Variants in LSM2 observed in about 807,000 individuals in gnomAD.
LSM2 encodes the protein LSM2 homolog, U6 small nuclear RNA and mRNA degradation associated.
LSM2 carries 12 observed loss-of-function variants against 17.0 expected under a neutral mutation model. The observed-to-expected ratio is 0.70, with a 90% CI of 0.45 to 1.14. The LOEUF (loss-of-function observed/expected upper bound fraction) is 1.14, where lower values mean the gene tolerates loss of function less well. Ranked by LOEUF, LSM2 falls within the 50% of genes most tolerant of loss-of-function variation. LSM2 has a pLI of 0.00. For synonymous variants in LSM2, 42 were observed against 44.5 expected (o/e 0.94, Z 0.22); for missense variants, 62 against 111.8 (o/e 0.55, Z 2.01).
At chr6:31,803,776 T>C (rs1428875885) in intron 2 of LSM2, among the ~76,000 whole-genome samples, 1 of 152,034 alleles carries the variant, frequency 6.6e-6, no homozygotes, top group East Asian at 1.9e-4. Context: ...AGATGGAGTT[T>C]CACCATGTTG....
At chr6:31,804,259 G>T (rs957816470) in intron 2 of LSM2, among the ~76,000 whole-genome samples, 1 of 151,612 alleles carries the variant, frequency 6.6e-6, no homozygotes, top group African/African-American at 2.4e-5. Context: ...TACTAGGGAG[G>T]CTGAGGCAGA....
rs761737610 is a variant in LSM2, at chr6:31,797,874, C to T, written c.171G>A (p.Val57=). The change falls in exon 5 of 5, where the codon GTG becomes GTA. Residue 57 remains valine (V), a synonymous_variant. Transcript: ENST00000375661. ...DPEKYPHMLS[V]KNCFIRGSVV... is the part of the protein sequence containing the mutation. ...CTGAGCCCCGAATGAAGCAGTTCTT[C>T]ACTGATAACTAGACAAAGATGGACA... 1 of 1,613,004 alleles carries T rather than the reference C, an allele frequency of 6.2e-7. No homozygotes were observed. The highest frequency in any genetic ancestry group is 1.3e-5 in the African/African-American group (1 of 75,020).
chr6:31,806,874 A>C lies in LSM2; in HGVS notation c.-117T>G, dbSNP rs529543378. On this transcript the variant is annotated 5_prime_UTR_variant, in exon 1 of 5. Transcript: ENST00000375661. ...GGGCGAGGCGGGACCGCGCAGGCGC[A>C]GCGGGAAGCGACGCAGAAAGCTCCA... 2.2e-5 allele frequency: 29 copies of C among 1,347,176 alleles called. 2 individuals are homozygous for C. In the East Asian group the frequency reaches 4.4e-4, roughly 20 times the overall value. The allele number at this position is 1,347,176 out of a possible 1,614,324, so 83.5% of individuals were successfully genotyped here.
At chr6:31,800,734 A>G (rs920570765) in intron 2 of LSM2, among the ~76,000 whole-genome samples, 7 of 152,136 alleles carry the variant, frequency 4.6e-5, no homozygotes, top group African/African-American at 1.7e-4. Flanking sequence ...AAAAATACAA[A>G]AAATTAGCCG....
chr6:31,797,963 T>C, intron 4 of LSM2, 27 bp downstream of exon 4: 1 of 1,609,776 alleles, frequency 6.2e-7, no homozygotes, highest in South Asian at 1.1e-5. Flanking sequence ...TAGAGGTGTT[T>C]CCTCTTCTCC....
intron 2 of LSM2, among the ~76,000 whole-genome samples, chr6:31,801,666 T>C (rs1814711523): frequency 6.6e-6 from 1 of 151,724 alleles, no homozygotes; most frequent in African/African-American, 2.4e-5. Context: ...AGTGGTGGCA[T>C]GCACCGGTAA....
At position 31,806,845 on chromosome 6, in the gene LSM2, C is replaced by A. The variant is rs1293988710; in HGVS notation, c.-88G>T. On this transcript the variant is annotated 5_prime_UTR_variant, in exon 1 of 5. Transcript: ENST00000375661. ...GGGGAAACCGAAGCGCGAGCCCGCG[C>A]GTGGGGCGAGGCGGGACCGCGCAGG... The A allele has an allele frequency of 6.7e-7, 1 of 1,491,604 alleles. No homozygotes were observed. Among genetic ancestry groups the A allele is most frequent in the East Asian group, 2.4e-5 (1 of 41,614 alleles). 92.4% of individuals were successfully genotyped at this position (1,491,604 alleles called of 1,614,324 possible). A position where few individuals can be genotyped will look rare whatever the true frequency, so the allele number is the denominator to read the frequency against.
chr6:31,804,316 C>T (rs625421), intron 2 of LSM2, among the ~76,000 whole-genome samples: 6 of 150,048 alleles, frequency 4.0e-5, no homozygotes, highest in South Asian at 4.2e-4. Flanking sequence ...GCCGAGATTA[C>T]GCCATTGCAG....
intron 4 of LSM2, 32 bp from the exon 5 acceptor site, chr6:31,797,914 C>G: frequency 6.2e-7 from 1 of 1,612,868 alleles, no homozygotes. Context: ...TGAAAACACC[C>G]TTAAAAATGT....
At chr6:31,802,391 T>G (rs1228737689) in intron 2 of LSM2, among the ~76,000 whole-genome samples, 1 of 151,280 alleles carries the variant, frequency 6.6e-6, no homozygotes, top group Non-Finnish European at 1.5e-5. Flanking sequence ...GGTCAGGAGA[T>G]TGAGACCATC....
At chr6:31,805,440 C>G (rs528764483) in intron 2 of LSM2, among the ~76,000 whole-genome samples, 1 of 151,314 alleles carries the variant, frequency 6.6e-6, no homozygotes, top group African/African-American at 2.4e-5. Context: ...TCTCAGCTCA[C>G]TGCAACCTCT....
In LSM2 at chr6:31,798,064, T is replaced by G. The variant is rs776411022; in HGVS notation, c.103-15A>C. The G allele has an allele frequency of 1.0e-5, 16 of 1,570,100 alleles. No individual in the cohort carries two copies. In the East Asian group the frequency reaches 3.4e-4, roughly 33 times the overall value. On this transcript the variant is annotated splice_polypyrimidine_tract_variant and intron_variant, in intron 3 of 4. Transcript: ENST00000375661. ...ATGTTGAGATACTAGGAAAGGAAGA[T>G]GAACACCATTATTATTATTATTTTT...
chr6:31,798,542 G>A, intron 2 of LSM2, 35 bp from the exon 3 acceptor site: 2 of 1,611,394 alleles, frequency 1.2e-6, no homozygotes, highest in Non-Finnish European at 1.7e-6. Context: ...AATCAAATTA[G>A]TTTATAACAA....
chr6:31,799,769 G>A (rs1814590057), intron 2 of LSM2, among the ~76,000 whole-genome samples: 1 of 151,692 alleles, frequency 6.6e-6, no homozygotes, highest in African/African-American at 2.4e-5. Flanking sequence ...AAGGTAGGTA[G>A]CATTACTCTT....
At chr6:31,798,081 A>ATTT in intron 3 of LSM2, 32 bp from the exon 4 acceptor site, 3 of 1,446,822 alleles carry the variant, frequency 2.1e-6, no homozygotes, top group Non-Finnish European at 2.8e-6. Context: ...CATTATTATT[A>ATTT]TTATTTTTTT....
chr6:31,806,594 G>A (rs1295396435), intron 1 of LSM2, 161 bp downstream of exon 1: 1 of 962,964 alleles, frequency 1.0e-6, no homozygotes, highest in Non-Finnish European at 1.6e-6. Flanking sequence ...TATCCCATTT[G>A]TTCTCAGTGC....
chr6:31,805,244 T>C (rs1341334865), intron 2 of LSM2, among the ~76,000 whole-genome samples: 3 of 149,884 alleles, frequency 2.0e-5, no homozygotes, highest in African/African-American at 7.4e-5. Context: ...TTTATAGAAA[T>C]AGAGGTCTCA....
intron 2 of LSM2, among the ~76,000 whole-genome samples, chr6:31,802,541 C>T (rs922011838): frequency 2.0e-5 from 3 of 151,306 alleles, no homozygotes; most frequent in African/African-American, 7.3e-5. Context: ...GTTACAGCAC[C>T]ACTGCACTCC....
At chr6:31,800,810 T>C (rs1814655063) in intron 2 of LSM2, among the ~76,000 whole-genome samples, 3 of 150,856 alleles carry the variant, frequency 2.0e-5, no homozygotes, top group African/African-American at 7.3e-5. Flanking sequence ...TGGCGTGAAC[T>C]GGGAGGCAGA....
Sources: allele counts gnomAD v4.1 joint callset (sites outside exome capture counted in the v4.1 genomes callset), GRCh38; gene constraint gnomAD v4.1.1; transcripts MANE v1.5; gene names NCBI Gene and HGNC (gene_info 2026-07-23, HGNC 2026-07-21).